The following HDAC4 variants were observed in gnomAD, a reference collection of about 807,000 sequenced individuals.
HDAC4 encodes histone deacetylase 4.
Under a neutral mutation model 135.1 loss-of-function variants are expected in HDAC4, and 16 were observed. That is an observed-to-expected ratio of 0.12 (90% CI 0.08 to 0.18). The LOEUF is 0.18. Ranked by LOEUF, HDAC4 falls within the 10% of genes least tolerant of loss-of-function variation. HDAC4 has a pLI of 1.00. For synonymous variants in HDAC4, 685 were observed against 653.4 expected (o/e 1.05, Z -0.74); for missense variants, 1,143 against 1,511.8 (o/e 0.76, Z 4.05).
intron 11 of HDAC4, among the ~76,000 whole-genome samples, chr2:239,127,065 C>T (rs773743738): frequency 9.2e-5 from 14 of 151,540 alleles, no homozygotes; most frequent in African/African-American, 2.2e-4. Flanking sequence ...CTGAACAGCA[C>T]GGTGGGAGGG....
chr2:239,311,564 A>C (rs557180854), intron 2 of HDAC4, among the ~76,000 whole-genome samples: 16 of 152,246 alleles, frequency 1.1e-4, no homozygotes, highest in African/African-American at 3.9e-4. Context: ...ACTTTGTAGG[A>C]ATGGAGGCCG....
chr2:239,172,414 T>C (rs1307842195), intron 5 of HDAC4, among the ~76,000 whole-genome samples: 3 of 151,774 alleles, frequency 2.0e-5, no homozygotes, highest in Non-Finnish European at 2.9e-5. Context: ...AGCATAAATA[T>C]ATCAATAATT....
intron 15 of HDAC4, among the ~76,000 whole-genome samples, chr2:239,106,599 G>A (rs924901517): frequency 3.3e-5 from 5 of 152,220 alleles, no homozygotes; most frequent in Admixed American, 6.5e-5. Context: ...TCCTCCCAGA[G>A]GGCACTGCAG....
chr2:239,354,220 A>G (rs912297044), intron 1 of HDAC4, among the ~76,000 whole-genome samples: 1 of 152,192 alleles, frequency 6.6e-6, no homozygotes, highest in Non-Finnish European at 1.5e-5. Flanking sequence ...AATGGCATTA[A>G]CAATACCTGG....
chr2:239,166,437 ATGTCTCATCACCTAAGT>A (rs2043127023), intron 5 of HDAC4, among the ~76,000 whole-genome samples: 1 of 152,126 alleles, frequency 6.6e-6, no homozygotes, highest in Non-Finnish European at 1.5e-5. Flanking sequence ...GCTGCTGAAG[ATGTCTCATCACCTAAGT>A]TGTGACTGCG....
chr2:239,079,379 G>C (rs914804817), intron 22 of HDAC4, among the ~76,000 whole-genome samples: 1 of 152,188 alleles, frequency 6.6e-6, no homozygotes, highest in Non-Finnish European at 1.5e-5. Flanking sequence ...GGCACAGCCC[G>C]GGCTCACTGC....
chr2:239,298,441 G>A (rs2052044052), intron 2 of HDAC4: 5 of 1,155,750 alleles, frequency 4.3e-6, no homozygotes, highest in Non-Finnish European at 5.4e-6. Context: ...CATGCACACC[G>A]TGGATACTCT....
intron 6 of HDAC4, among the ~76,000 whole-genome samples, chr2:239,162,929 T>C (rs766275571): frequency 2.6e-5 from 4 of 152,194 alleles, no homozygotes; most frequent in African/African-American, 4.8e-5. Context: ...ATTACTGATA[T>C]TTCGATTTAC....
Position 239,089,385 on chromosome 2 carries a change from A to G in HDAC4, c.2388+624T>C, listed in dbSNP as rs909310884. Among the ~76,000 whole-genome samples the G allele has an allele frequency of 5.1e-4, 78 of 152,066 alleles. 1 individual carries two copies. The highest frequency in any genetic ancestry group is 4.4e-5 in the Non-Finnish European group (3 of 68,022). ...ACTCTGTCACCCAGGCTGGAGTGCA[A>G]TGGCGTGACTCGGCTCGCCGCAACC... On this transcript the variant is annotated intron_variant, in intron 18 of 26. Transcript: ENST00000543185.
intron 2 of HDAC4, among the ~76,000 whole-genome samples, chr2:239,272,752 C>T (rs780520034): frequency 1.3e-5 from 2 of 152,218 alleles, no homozygotes; most frequent in Admixed American, 6.5e-5. Context: ...GCTGTGGGTG[C>T]CCCAGGCGAT....
At chr2:239,183,418 A>G (rs13407300) in intron 4 of HDAC4, among the ~76,000 whole-genome samples, 7,414 of 152,314 alleles carry the variant, frequency 0.049, 636 homozygotes, top group African/African-American at 0.17. Flanking sequence ...GCCAGGAGGA[A>G]AGGGCGGCAG....
At chr2:239,385,240 T>C (rs1369014703) in intron 1 of HDAC4, among the ~76,000 whole-genome samples, 2 of 152,198 alleles carry the variant, frequency 1.3e-5, no homozygotes, top group African/African-American at 2.4e-5. Context: ...GGAAGAAGCC[T>C]TGCCCTCAGC....
At chr2:239,094,912 G>A (rs1293172884) in intron 17 of HDAC4, 98 bp downstream of exon 17, 12 of 1,606,158 alleles carry the variant, frequency 7.5e-6, no homozygotes, top group African/African-American at 5.4e-5. Flanking sequence ...ACACCTGGCA[G>A]CAATTATTCA....
At chr2:239,092,720 G>A (rs1276258013) in intron 17 of HDAC4, among the ~76,000 whole-genome samples, 1 of 152,200 alleles carries the variant, frequency 6.6e-6, no homozygotes, top group Non-Finnish European at 1.5e-5. Flanking sequence ...CCAGCCTGGA[G>A]CTCCAGGCCT....
chr2:239,146,459 T>C lies in HDAC4; in HGVS notation c.734-1745A>G, dbSNP rs554397890. On this transcript the variant is annotated intron_variant, in intron 7 of 26. Coordinates refer to ENST00000543185, the MANE Select transcript of HDAC4 (RefSeq NM_001378414.1). The surrounding 1 kb of genome is among the most constrained non-coding windows in gnomAD (Gnocchi z 4.5). ...CTTCCTCAGTGGCTGCCCTGCCACA[T>C]AGAGTGGGACACGTGGCATCGGGAG... Among the ~76,000 whole-genome samples, 33 of 152,178 alleles carry C rather than the reference T, an allele frequency of 2.2e-4. No individual in the cohort carries two copies. The highest frequency in any genetic ancestry group is 7.2e-4 in the African/African-American group (30 of 41,542).
At chr2:239,108,235 C>A (rs1420171055) in intron 14 of HDAC4, 52 bp from the exon 15 acceptor site, 11 of 1,560,960 alleles carry the variant, frequency 7.0e-6, no homozygotes, top group Non-Finnish European at 9.5e-6. Flanking sequence ...GGCGAGCCGA[C>A]CACCCACTGG....
chr2:239,363,179 C>T (rs1693967300), intron 1 of HDAC4, among the ~76,000 whole-genome samples: 3 of 152,136 alleles, frequency 2.0e-5, no homozygotes, highest in African/African-American at 2.4e-5. Context: ...AGGAATATAC[C>T]ATGTGCATGG....
chr2:239,242,713 A>G (rs1213133168), intron 2 of HDAC4, among the ~76,000 whole-genome samples: 3 of 152,146 alleles, frequency 2.0e-5, no homozygotes, highest in Admixed American at 6.5e-5. Flanking sequence ...CTTGTTTCTG[A>G]TCTTACGAAG....
At chr2:239,180,778 C>T (rs958064189) in intron 4 of HDAC4, among the ~76,000 whole-genome samples, 12 of 152,174 alleles carry the variant, frequency 7.9e-5, no homozygotes, top group African/African-American at 2.2e-4. Flanking sequence ...TGGCCCACCC[C>T]GAGGAAGAGT....
Sources: gnomAD v4.1 joint callset for allele counts (sites outside exome capture counted in the v4.1 genomes callset) on GRCh38, gnomAD v4.1.1 for gene constraint, Gnocchi (gnomAD v3.1) non-coding constraint, MANE v1.5 for transcripts, NCBI Gene and HGNC (gene_info 2026-07-23, HGNC 2026-07-21) for gene names.